NELL2: variants seen among roughly 807,000 people sequenced by gnomAD.
The protein encoded by NELL2 is neural EGFL like 2, also known as protein kinase C-binding protein NELL2.
A neutral mutation model predicts 109.6 loss-of-function variants in NELL2; 41 were observed. The observed-to-expected ratio is 0.37, with a 90% CI of 0.29 to 0.49. The LOEUF (loss-of-function observed/expected upper bound fraction) is 0.49. NELL2 is among the 20% of genes least tolerant of loss of function. The probability of loss-of-function intolerance (pLI) is 0.98; values close to 1 mark genes in which losing one functional copy is unlikely to be tolerated. For synonymous variants in NELL2, 355 were observed against 344.7 expected (o/e 1.03, Z -0.33); for missense variants, 900 against 1,008.3 (o/e 0.89, Z 1.45).
At chr12:44,854,664 ATGGATGGATGGATGGATGGG>A (rs1211764268) in intron 2 of NELL2, among the ~76,000 whole-genome samples, 9 of 37,170 alleles carry the variant, frequency 2.4e-4, no homozygotes, top group Non-Finnish European at 5.6e-4. Context: ...GGATGGATGG[ATGGATGGATGGATGGATGGG>A]TGGATGGATG....
At chr12:44,676,069 C>T (rs1204427569) in intron 12 of NELL2, among the ~76,000 whole-genome samples, 1 of 152,050 alleles carries the variant, frequency 6.6e-6, no homozygotes, top group African/African-American at 2.4e-5. Flanking sequence ...TGTTAATGAA[C>T]ACTAATGCCT....
At chr12:44,786,914 T>C (rs1429343370) in intron 3 of NELL2, among the ~76,000 whole-genome samples, 1 of 151,932 alleles carries the variant, frequency 6.6e-6, no homozygotes, top group African/African-American at 2.4e-5. Context: ...TTAGGACAAA[T>C]ACCTAATGCA....
intron 2 of NELL2, among the ~76,000 whole-genome samples, chr12:44,817,187 T>C (rs553581191): frequency 6.6e-6 from 1 of 152,286 alleles, no homozygotes; most frequent in South Asian, 2.1e-4. Flanking sequence ...ATGCACAGGC[T>C]TTGCAACAAC....
intron 13 of NELL2, among the ~76,000 whole-genome samples, chr12:44,640,346 G>T (rs991927413): frequency 6.6e-6 from 1 of 152,170 alleles, no homozygotes; most frequent in East Asian, 1.9e-4. Context: ...AACTAAGGCT[G>T]AAGGGGTAAA....
chr12:44,627,012 C>T (rs1359049244), intron 13 of NELL2, among the ~76,000 whole-genome samples: 4 of 151,942 alleles, frequency 2.6e-5, no homozygotes, highest in Non-Finnish European at 5.9e-5. Context: ...TTTGCAAATC[C>T]CAGAACGTGA....
chr12:44,677,794 T>G (rs1948366197), intron 12 of NELL2, among the ~76,000 whole-genome samples: 1 of 152,054 alleles, frequency 6.6e-6, no homozygotes, highest in African/African-American at 2.4e-5. Flanking sequence ...AAAGATAATA[T>G]CCTTCTTTTT....
intron 13 of NELL2, among the ~76,000 whole-genome samples, chr12:44,624,944 G>C (rs1946186247): frequency 6.8e-6 from 1 of 147,850 alleles, no homozygotes; most frequent in African/African-American, 2.5e-5. Context: ...TGAAACTCTT[G>C]AGAAACATAA....
At chr12:44,523,703 C>A (rs1028919848) in intron 16 of NELL2, 27 of 550,062 alleles carry the variant, frequency 4.9e-5, no homozygotes, top group Middle Eastern at 4.8e-4. Context: ...AATCAGGTAA[C>A]CTTGGCTAGA....
chr12:44,744,831 AG>A (rs1374539286), intron 9 of NELL2, among the ~76,000 whole-genome samples: 2 of 152,230 alleles, frequency 1.3e-5, no homozygotes, highest in Non-Finnish European at 2.9e-5. Flanking sequence ...AACCAAAACA[AG>A]TCCAGGACCA....
intron 15 of NELL2, among the ~76,000 whole-genome samples, chr12:44,536,673 T>C (rs575984338): frequency 1.5e-3 from 223 of 152,140 alleles, no homozygotes; most frequent in Middle Eastern, 6.8e-3. Flanking sequence ...AGGTACATTA[T>C]ATAAAAAACT....
intron 12 of NELL2, among the ~76,000 whole-genome samples, chr12:44,695,572 A>G (rs1949039172): frequency 6.6e-6 from 1 of 152,126 alleles, no homozygotes; most frequent in South Asian, 2.1e-4. Flanking sequence ...TGGCACAGTG[A>G]GACCCTGCCT....
chr12:44,519,161 C>G (rs959230693), intron 19 of NELL2, among the ~76,000 whole-genome samples: 1 of 152,160 alleles, frequency 6.6e-6, no homozygotes, highest in Non-Finnish European at 1.5e-5. Context: ...TTACAGATAT[C>G]TGGCTATGTT....
rs1390146069 is a variant in NELL2, at chr12:44,776,044, C to G, written c.869G>C (p.Gly290Ala). The G allele has an allele frequency of 6.2e-7, 1 of 1,613,832 alleles. No individual in the cohort carries two copies. Among genetic ancestry groups the G allele is most frequent in the South Asian group, 1.1e-5 (1 of 91,062 alleles). The change falls in exon 8 of 20, where the codon GGC (glycine) becomes GCC (alanine). Residue 290 changes from glycine (G) to alanine (A), a missense_variant. By Grantham distance (60) the Gly-to-Ala change is moderately conservative. Around this residue, in one of 4 missense-constraint regions of NELL2, gnomAD observed 292 missense variants for 265.3 expected, o/e 1.10. Transcript: ENST00000429094. ...TYREFESWID[G>A]CKNCTCLNGT... ...TACCAGGCATGTGCAGTTCTTACAG[C>G]CGTCTATCCAGGACTCAAATTCTCG...
intron 13 of NELL2, among the ~76,000 whole-genome samples, chr12:44,644,609 T>A (rs1481669666): frequency 1.7e-5 from 1 of 59,210 alleles, no homozygotes; most frequent in South Asian, 4.2e-4. Context: ...TATATGTATG[T>A]ATATATATAT....
At chr12:44,599,273 G>A (rs184659784) in intron 15 of NELL2, among the ~76,000 whole-genome samples, 208 of 152,046 alleles carry the variant, frequency 1.4e-3, no homozygotes, top group African/African-American at 4.5e-3. Context: ...AGATCCCCTC[G>A]AACTTCAGGC....
intron 3 of NELL2, among the ~76,000 whole-genome samples, chr12:44,789,784 C>G (rs1942313092): frequency 6.6e-6 from 1 of 152,032 alleles, no homozygotes; most frequent in African/African-American, 2.4e-5. Flanking sequence ...AAAAAACAAT[C>G]AAAACTTCAG....
chr12:44,604,588 G>A (rs965361355), intron 15 of NELL2, among the ~76,000 whole-genome samples: 6 of 152,144 alleles, frequency 3.9e-5, no homozygotes, highest in Middle Eastern at 3.4e-3. Flanking sequence ...GTACTGTTTC[G>A]TGATGATACA....
intron 12 of NELL2, among the ~76,000 whole-genome samples, chr12:44,698,474 T>A (rs1263070270): frequency 6.6e-6 from 1 of 152,110 alleles, no homozygotes; most frequent in Non-Finnish European, 1.5e-5. Flanking sequence ...TGATGTTTTA[T>A]GAATGTTAAT....
At chr12:44,555,390 G>A (rs1205549088) in intron 15 of NELL2, among the ~76,000 whole-genome samples, 1 of 152,180 alleles carries the variant, frequency 6.6e-6, no homozygotes, top group African/African-American at 2.4e-5. Flanking sequence ...TGCTCCTAGA[G>A]TAGGGAGTAT....
Sources: gnomAD v4.1 joint callset for allele counts (sites outside exome capture counted in the v4.1 genomes callset) on GRCh38, gnomAD v4.1.1 for gene constraint, gnomAD v4.1.1 regional missense constraint, MANE v1.5 for transcripts, NCBI Gene and HGNC (gene_info 2026-07-23, HGNC 2026-07-21) for gene names.